Variants in RAD51B observed in about 807,000 individuals in gnomAD.
RAD51B encodes the protein RAD51 paralog B, also known as DNA repair protein RAD51 homolog 2.
RAD51B carries 38 observed loss-of-function variants against 42.2 expected under a neutral mutation model. The ratio of observed to expected loss-of-function variants is 0.90; its 90% CI spans 0.70 to 1.18. The LOEUF is 1.18. Ranked by LOEUF, RAD51B falls within the 50% of genes most tolerant of loss-of-function variation. The pLI is 0.00. For missense variants in RAD51B, 373 were observed against 400.7 expected, an observed-to-expected ratio of 0.93 and a Z score of 0.59; for synonymous variants, 154 against 145.2, an observed-to-expected ratio of 1.06 and a Z score of -0.43.
chr14:68,473,224 G>A, intron 10 of RAD51B, among the ~76,000 whole-genome samples: 1 of 152,196 alleles, frequency 6.6e-6, no homozygotes, highest in East Asian at 1.9e-4. Flanking sequence ...ATTCTTGTAG[G>A]AGCCTGGGCA....
intron 7 of RAD51B, among the ~76,000 whole-genome samples, chr14:68,080,250 G>C (rs2076893267): frequency 6.6e-6 from 1 of 152,178 alleles, no homozygotes. Flanking sequence ...GAATGGGCTA[G>C]TGTTTCCTTC....
chr14:68,359,088 CCTCT>C (rs1021987638), intron 8 of RAD51B, among the ~76,000 whole-genome samples: 47 of 152,124 alleles, frequency 3.1e-4, no homozygotes, highest in African/African-American at 1.1e-3. Flanking sequence ...CATAGGCCAG[CCTCT>C]CTGAGTTTTA....
chr14:68,225,136 T>C (rs2080010823), intron 7 of RAD51B, among the ~76,000 whole-genome samples: 2 of 152,232 alleles, frequency 1.3e-5, no homozygotes, highest in Admixed American at 6.5e-5. Flanking sequence ...AGAAAAATTT[T>C]GCAAACAGAA....
At chr14:68,133,000 T>G (rs745432092) in intron 7 of RAD51B, among the ~76,000 whole-genome samples, 3 of 152,214 alleles carry the variant, frequency 2.0e-5, no homozygotes, top group Non-Finnish European at 2.9e-5. Flanking sequence ...TGGAAAAAAT[T>G]GGCTCTTAGG....
At chr14:68,200,096 C>G (rs2079452233) in intron 7 of RAD51B, among the ~76,000 whole-genome samples, 1 of 152,108 alleles carries the variant, frequency 6.6e-6, no homozygotes. Flanking sequence ...ATGACAGCAG[C>G]AGAGGAATTC....
chr14:68,098,270 T>A (rs7154228), intron 7 of RAD51B, among the ~76,000 whole-genome samples: 15,760 of 152,306 alleles, frequency 0.1, 2,474 homozygotes, highest in African/African-American at 0.34. Flanking sequence ...CACTCATTCT[T>A]TTCATAACTT....
chr14:68,532,316 A>G (rs2140351990), intron 10 of RAD51B, among the ~76,000 whole-genome samples: 1 of 152,310 alleles, frequency 6.6e-6, no homozygotes, highest in Middle Eastern at 3.4e-3. Flanking sequence ...AATTACTAGT[A>G]AAATAGATAA....
At chr14:68,267,819 C>A (rs1015737444) in intron 7 of RAD51B, among the ~76,000 whole-genome samples, 41 of 152,308 alleles carry the variant, frequency 2.7e-4, no homozygotes, top group Non-Finnish European at 5.3e-4. Context: ...TTAGTGGCTG[C>A]TGTTTTCACC....
intron 8 of RAD51B, among the ~76,000 whole-genome samples, chr14:68,389,255 C>T (rs1024257786): frequency 2.0e-5 from 3 of 152,280 alleles, no homozygotes; most frequent in African/African-American, 7.2e-5. Context: ...CATGGAAGCT[C>T]CTCCTTCCTG....
chr14:67,980,147 G>A (rs1170345823), intron 7 of RAD51B, among the ~76,000 whole-genome samples: 2 of 151,744 alleles, frequency 1.3e-5, no homozygotes, highest in Non-Finnish European at 2.9e-5. Context: ...AAAAAATATC[G>A]TAAAGAGGAA....
At chr14:68,666,971 A>C (rs1893044399) in intron 11 of RAD51B, among the ~76,000 whole-genome samples, 1 of 152,230 alleles carries the variant, frequency 6.6e-6, no homozygotes, top group South Asian at 2.1e-4. Flanking sequence ...GCAACCCTCC[A>C]GCTCTCTCTT....
intron 9 of RAD51B, among the ~76,000 whole-genome samples, chr14:68,433,608 A>G (rs1345317105): frequency 6.6e-6 from 1 of 152,188 alleles, no homozygotes; most frequent in Non-Finnish European, 1.5e-5. Context: ...CAGGTCATTT[A>G]AGGACTTCTC....
At chr14:68,454,390 T>C (rs1463587584) in intron 9 of RAD51B, among the ~76,000 whole-genome samples, 1 of 151,174 alleles carries the variant, frequency 6.6e-6, no homozygotes, top group Non-Finnish European at 1.5e-5. Flanking sequence ...GGAAATTAAA[T>C]AAAGGCTCAC....
intron 7 of RAD51B, among the ~76,000 whole-genome samples, chr14:68,160,070 A>G (rs1429837853): frequency 2.4e-5 from 3 of 124,202 alleles, no homozygotes; most frequent in African/African-American, 9.1e-5. Context: ...AATCACCCTC[A>G]ACCTGGGTTA....
chr14:68,146,415 ACT>A (rs1177168329), intron 7 of RAD51B, among the ~76,000 whole-genome samples: 3 of 151,726 alleles, frequency 2.0e-5, no homozygotes, highest in African/African-American at 4.8e-5. Context: ...ACAGACTGAG[ACT>A]CTGTTTCCCC....
intron 7 of RAD51B, among the ~76,000 whole-genome samples, chr14:68,133,646 A>AT (rs1227653719): frequency 4.6e-5 from 7 of 151,544 alleles, no homozygotes; most frequent in Non-Finnish European, 7.4e-5. Context: ...TAATTTTTGT[A>AT]TTTTTTTAGT....
intron 7 of RAD51B, among the ~76,000 whole-genome samples, chr14:68,146,652 G>A (rs903275010): frequency 2.0e-5 from 3 of 152,104 alleles, no homozygotes; most frequent in Non-Finnish European, 4.4e-5. Flanking sequence ...TTAGAAAGAG[G>A]CACTATGTAC....
chr14:67,959,357 C>T (rs535170531), intron 7 of RAD51B, among the ~76,000 whole-genome samples: 1 of 152,172 alleles, frequency 6.6e-6, no homozygotes, highest in South Asian at 2.1e-4. Context: ...CACCATTCTC[C>T]TGCCTCAGCC....
In RAD51B at chr14:68,632,395, C is replaced by T. The variant is rs528839308; in HGVS notation, c.1037-18386C>T. 7.2e-5 allele frequency among the ~76,000 whole-genome samples: 11 copies of T among 152,286 alleles called. No homozygotes were observed. The East Asian group carries it at 1.5e-3, about 21-fold the overall frequency. ...AGAGCGGCCAAGTGAGCACAGGAGCCGCTCGGCCGTCTGGGACTGTGATGT... is the reference window on the plus strand; with the variant it reads ...AGAGCGGCCAAGTGAGCACAGGAGCTGCTCGGCCGTCTGGGACTGTGATGT... On this transcript the variant is annotated intron_variant, in intron 10 of 11. Transcript: ENST00000488612.
Sources: gnomAD v4.1 joint callset for allele counts (sites outside exome capture counted in the v4.1 genomes callset) on GRCh38, gnomAD v4.1.1 for gene constraint, MANE v1.5 for transcripts, NCBI Gene and HGNC (gene_info 2026-07-23, HGNC 2026-07-21) for gene names.